The following CNTLN variants were observed in gnomAD, a reference collection of about 807,000 sequenced individuals.
CNTLN encodes the protein centlein.
CNTLN carries 212 observed loss-of-function variants against 180.0 expected under a neutral mutation model. That is an observed-to-expected ratio of 1.18 (90% CI 1.05 to 1.32). CNTLN has a LOEUF of 1.32. CNTLN is among the 40% of genes most tolerant of loss of function. The pLI, the probability that CNTLN is intolerant of heterozygous loss-of-function variation, is 0.00. For synonymous variants in CNTLN, 722 were observed against 563.1 expected (o/e 1.28, Z -3.99); for missense variants, 2,095 against 1,610.9 (o/e 1.30, Z -5.14).
intron 2 of CNTLN, among the ~76,000 whole-genome samples, chr9:17,203,353 T>A (rs1822685031): frequency 6.6e-6 from 1 of 152,138 alleles, no homozygotes; most frequent in African/African-American, 2.4e-5. Context: ...TGTGGTGTTC[T>A]CTATTTCCTG....
intron 13 of CNTLN, among the ~76,000 whole-genome samples, chr9:17,371,671 C>T (rs778432903): frequency 5.3e-5 from 8 of 152,100 alleles, no homozygotes; most frequent in Non-Finnish European, 7.4e-5. Context: ...ACATTCTTCT[C>T]CCCAGCACAT....
intron 10 of CNTLN, among the ~76,000 whole-genome samples, chr9:17,336,905 G>T (rs1821080598): frequency 6.6e-6 from 1 of 152,080 alleles, no homozygotes; most frequent in Non-Finnish European, 1.5e-5. Context: ...CTTCCACAAT[G>T]GTTGAACTAA....
intron 2 of CNTLN, among the ~76,000 whole-genome samples, chr9:17,164,084 G>A (rs900931093): frequency 4.7e-5 from 7 of 150,372 alleles, no homozygotes; most frequent in Non-Finnish European, 7.4e-5. Context: ...GGCTGAGGCC[G>A]GCGGATCACT....
At chr9:17,415,935 T>C in intron 17 of CNTLN, 31 bp from the exon 18 acceptor site, 1 of 1,588,348 alleles carries the variant, frequency 6.3e-7, no homozygotes, top group Non-Finnish European at 8.6e-7. Flanking sequence ...AATCTAATTT[T>C]TAAAATATGA....
rs1384274437 is a variant in CNTLN at position 17,135,262 on chromosome 9, G to T, written c.197G>T (p.Arg66Leu). ...IWVGEEGSGG[R>L]RGPGGAAPAH... Reference sequence around the variant, plus strand: ...GTGGGTGAAGAAGGGTCAGGGGGCCGGCGAGGGCCTGGGGGGGCAGCTCCG... The same window carrying T: ...GTGGGTGAAGAAGGGTCAGGGGGCCTGCGAGGGCCTGGGGGGGCAGCTCCG... The change falls in exon 1 of 26, where the codon CGG becomes CTG. Residue 66 changes from arginine to leucine, a missense_variant. Transcript: ENST00000380647. 2 of 1,603,696 alleles carry T rather than the reference G, an allele frequency of 1.2e-6. No individual in the cohort carries two copies. Among genetic ancestry groups the T allele is most frequent in the East Asian group, 4.5e-5 (2 of 44,474 alleles).
At chr9:17,397,318 C>T (rs1455220547) in intron 15 of CNTLN, among the ~76,000 whole-genome samples, 3 of 152,142 alleles carry the variant, frequency 2.0e-5, no homozygotes, top group Non-Finnish European at 2.9e-5. Context: ...AGAATGGCTA[C>T]TCCATAGGCA....
intron 23 of CNTLN, among the ~76,000 whole-genome samples, chr9:17,472,841 T>G (rs2134245943): frequency 6.6e-6 from 1 of 152,330 alleles, no homozygotes; most frequent in East Asian, 1.9e-4. Context: ...TATTTCTTTT[T>G]GTGCTCATAG....
intron 3 of CNTLN, among the ~76,000 whole-genome samples, chr9:17,231,340 C>T (rs1361797946): frequency 3.3e-5 from 5 of 152,080 alleles, no homozygotes; most frequent in African/African-American, 4.8e-5. Context: ...GAAAGTTACA[C>T]ACACACACAG....
intron 5 of CNTLN, among the ~76,000 whole-genome samples, chr9:17,258,735 A>T (rs11562194): frequency 7.1e-6 from 1 of 140,440 alleles, no homozygotes; most frequent in African/African-American, 2.8e-5. Context: ...TCTTTGAAGC[A>T]GTTGTGAATG....
chr9:17,232,202 G>A (rs1370407430), intron 3 of CNTLN, among the ~76,000 whole-genome samples: 1 of 151,928 alleles, frequency 6.6e-6, no homozygotes, highest in Non-Finnish European at 1.5e-5. Flanking sequence ...GAGTTTATCA[G>A]TGCTCTTGTG....
In CNTLN at chr9:17,319,837, A is replaced by G. The variant is rs76007791; in HGVS notation, c.1341+10585A>G. The stretch of plus-strand genomic sequence containing the variant: ...TGGGGATTTATCTTTCCTTTCTCCT[A>G]TCTCAACTTGTAATCCAAATTATTG... On this transcript the variant is annotated intron_variant, in intron 8 of 25. Transcript: ENST00000380647. Among the ~76,000 whole-genome samples, 2,802 of 152,028 alleles carry G rather than the reference A, an allele frequency of 0.018. 166 individuals carry two copies. The East Asian group carries it at 0.24, about 13-fold the overall frequency.
At chr9:17,239,560 G>T (rs1825363580) in intron 5 of CNTLN, among the ~76,000 whole-genome samples, 1 of 152,112 alleles carries the variant, frequency 6.6e-6, no homozygotes, top group Non-Finnish European at 1.5e-5. Flanking sequence ...AGGTCATGAA[G>T]ATTGACACCT....
At chr9:17,138,130 C>A (rs1229485878) in intron 1 of CNTLN, among the ~76,000 whole-genome samples, 2 of 152,104 alleles carry the variant, frequency 1.3e-5, no homozygotes, top group Non-Finnish European at 2.9e-5. Context: ...TAATTTAGAA[C>A]CTAACTCCAC....
intron 16 of CNTLN, among the ~76,000 whole-genome samples, chr9:17,414,847 T>G (rs532036247): frequency 1.8e-4 from 27 of 152,180 alleles, no homozygotes; most frequent in Admixed American, 3.9e-4. Context: ...CCCAACACTT[T>G]TGGAGGCCGA....
chr9:17,370,358 A>G lies in CNTLN; in HGVS notation c.1987+3641A>G, dbSNP rs1024340605. 5.3e-5 allele frequency among the ~76,000 whole-genome samples: 8 copies of G among 152,222 alleles called. 1 individual carries two copies. The South Asian group carries it at 1.7e-3, about 32-fold the overall frequency. Reference sequence around the variant, plus strand: ...TGGAGCTTCAATATGCTGGCAGCAGACTTTTCAGTGGAAACTTTACAGGCT... The same window carrying G: ...TGGAGCTTCAATATGCTGGCAGCAGGCTTTTCAGTGGAAACTTTACAGGCT... On this transcript the variant is annotated intron_variant, in intron 13 of 25. Coordinates refer to ENST00000380647, the MANE Select transcript of CNTLN (RefSeq NM_017738.4).
At chr9:17,404,772 C>G (rs568281331) in intron 15 of CNTLN, among the ~76,000 whole-genome samples, 1 of 137,948 alleles carries the variant, frequency 7.2e-6, no homozygotes, top group African/African-American at 2.7e-5. Flanking sequence ...GAGTCTTGCT[C>G]TGTCTGCCAG....
chr9:17,247,614 T>G (rs1825869256), intron 5 of CNTLN, among the ~76,000 whole-genome samples: 1 of 152,204 alleles, frequency 6.6e-6, no homozygotes, highest in Non-Finnish European at 1.5e-5. Flanking sequence ...CACCTGAGTT[T>G]TGGTTCTTAA....
intron 15 of CNTLN, among the ~76,000 whole-genome samples, chr9:17,408,442 T>A (rs1469212764): frequency 1.3e-5 from 2 of 152,030 alleles, no homozygotes; most frequent in South Asian, 4.1e-4. Flanking sequence ...AGGATAAAGG[T>A]TACATGAGGG....
chr9:17,221,470 T>C (rs1306156562), intron 2 of CNTLN, among the ~76,000 whole-genome samples: 1 of 152,102 alleles, frequency 6.6e-6, no homozygotes, highest in Non-Finnish European at 1.5e-5. Context: ...ACTATTAACG[T>C]ATGGTAAGTA....
Sources: allele counts gnomAD v4.1 joint callset (sites outside exome capture counted in the v4.1 genomes callset), GRCh38; gene constraint gnomAD v4.1.1; transcripts MANE v1.5; gene names NCBI Gene and HGNC (gene_info 2026-07-23, HGNC 2026-07-21).